Variants in PPP1R13L observed in about 807,000 individuals in gnomAD.
PPP1R13L encodes relA-associated inhibitor.
PPP1R13L carries 50 observed loss-of-function variants against 80.9 expected under a neutral mutation model. That is an observed-to-expected ratio of 0.62 (90% confidence interval 0.49 to 0.78). The LOEUF (loss-of-function observed/expected upper bound fraction) is 0.78, where lower values mean the gene tolerates loss of function less well. Among genes scored for constraint, PPP1R13L ranks in the 30% least tolerant of loss-of-function variants. The pLI is 0.00. For synonymous variants in PPP1R13L, 602 were observed against 534.3 expected (o/e 1.13, Z -1.75); for missense variants, 1,200 against 1,205.9 (o/e 1.00, Z 0.07).
intron 1 of PPP1R13L, chr19:45,401,984 C>T (rs1973242373): frequency 6.6e-6 from 1 of 152,160 alleles, no homozygotes; most frequent in Admixed American, 6.5e-5. Flanking sequence ...CACCGTCCAA[C>T]CCTGACCACA....
At chr19:45,397,468 C>T (rs4803814) in intron 3 of PPP1R13L, among the ~76,000 whole-genome samples, 5,991 of 86,182 alleles carry the variant, frequency 0.07, 276 homozygotes, top group Middle Eastern at 0.11. Flanking sequence ...TGCTTTCTCT[C>T]TCTCTCTTTC....
chr19:45,380,190 C>G lies in PPP1R13L; in HGVS notation c.2487G>C (p.Ter829TyrextTer59). ...PRVKPQRSKV[*>Y] ...GCCTCAGAAACCTCCTTCTATCCTG[C>G]TAGACTTTACTCCTTTGAGGCTTCA... Residue 829 changes from the stop codon to tyrosine, a stop_lost, in exon 13 of 13, where the codon TAG becomes TAC. Coordinates refer to ENST00000360957, the MANE Select transcript of PPP1R13L (RefSeq NM_006663.4). 1.2e-6 allele frequency: 2 copies of G among 1,614,006 alleles called. No homozygotes were observed. The highest frequency in any genetic ancestry group is 1.7e-6 in the Non-Finnish European group (2 of 1,179,962).
In PPP1R13L at chr19:45,382,715, T is replaced by A. The variant is rs1439078874; in HGVS notation, c.2260A>T (p.Ser754Cys). 6.2e-7 allele frequency: 1 copy of A among 1,613,918 alleles called. No homozygotes were observed. Among genetic ancestry groups the A allele is most frequent in the Non-Finnish European group, 8.5e-7 (1 of 1,179,984 alleles). Residue 754 changes from serine (S) to cysteine (C), a missense_variant, in exon 12 of 13, where the codon AGT becomes TGT. Ser to Cys is a moderately radical substitution (Grantham distance 112, BLOSUM62 -1). Around this residue, in one of 5 missense-constraint regions of PPP1R13L, gnomAD observed 165 missense variants for 177.1 expected, o/e 0.93. Transcript: ENST00000360957. The part of the protein sequence containing the change: ...CATYLADVEQ[S>C]MGLMNSGAVY... ...GCCCCGCTGTTCATCAGCCCCATACTCTGCTCGACGTCTGAAACATGCCAC... is the reference window on the plus strand; with the variant it reads ...GCCCCGCTGTTCATCAGCCCCATACACTGCTCGACGTCTGAAACATGCCAC...
Position 45,392,033 on chromosome 19 carries a change from A to C in PPP1R13L, c.1662T>G (p.His554Gln), listed in dbSNP as rs760029120. ...QQIISRLFHR[H>Q]GGPGPGGPEP... is the part of the protein sequence containing the mutation. Reference sequence around the variant, plus strand: ...CCGGCCCCCCGGGCCCTGGCCCCCCATGACGATGGAAGAGGCGGCTGATGA... The same window carrying C: ...CCGGCCCCCCGGGCCCTGGCCCCCCCTGACGATGGAAGAGGCGGCTGATGA... The change falls in exon 8 of 13, where the codon CAT becomes CAG. Residue 554 changes from histidine (H) to glutamine (Q), a missense_variant. Around this residue, in one of 5 missense-constraint regions of PPP1R13L, gnomAD observed 214 missense variants for 199.6 expected, o/e 1.07. Transcript: ENST00000360957. 6.5e-7 allele frequency: 1 copy of C among 1,543,628 alleles called. No individual in the cohort carries two copies. The highest frequency in any genetic ancestry group is 8.7e-7 in the Non-Finnish European group (1 of 1,148,026).
intron 8 of PPP1R13L, among the ~76,000 whole-genome samples, chr19:45,386,953 T>G (rs1318019963): frequency 6.6e-6 from 1 of 151,532 alleles, no homozygotes; most frequent in African/African-American, 2.4e-5. Context: ...CTTTCTTATT[T>G]TTAATTTTCC....
chr19:45,391,909 T>A lies in PPP1R13L; in HGVS notation c.1786A>T (p.Ser596Cys), dbSNP rs901908357. 1 of 1,496,916 alleles carries A rather than the reference T, an allele frequency of 6.7e-7. No homozygotes were observed. The highest frequency in any genetic ancestry group is 2.4e-5 in the East Asian group (1 of 42,474). 92.7% of individuals were successfully genotyped at this position (1,496,916 alleles called of 1,614,324 possible). The change falls in exon 8 of 13, where the codon AGC (serine) becomes TGC (cysteine). Residue 596 changes from serine to cysteine, a missense_variant. This residue lies in a region of PPP1R13L where 214 missense variants were observed against 199.6 expected (regional missense o/e 1.07). Coordinates refer to ENST00000360957, the MANE Select transcript of PPP1R13L (RefSeq NM_006663.4). The stretch of plus-strand genomic sequence containing the variant: ...CTCTGCGGCTGCTCTGGTGGGCTGC[T>A]CTGGGACGGGGCCGGGGGTGGAATG... The part of the protein sequence containing the change: ...APIPPPAPSQ[S>C]SPPEQPQSME...
At chr19:45,405,637 A>G (rs959584542), upstream of PPP1R13L, among the ~76,000 whole-genome samples, 7 of 152,160 alleles carry the variant, frequency 4.6e-5, no homozygotes, top group African/African-American at 1.4e-4. Context: ...TGGATAGGGG[A>G]AACATTTCCC....
At chr19:45,394,463 G>A (rs1973040281) in intron 7 of PPP1R13L, among the ~76,000 whole-genome samples, 1 of 151,458 alleles carries the variant, frequency 6.6e-6, no homozygotes, top group Non-Finnish European at 1.5e-5. Context: ...GCTATTGATA[G>A]CTTACTATGT....
rs1187255161 is a variant in PPP1R13L, at chr19:45,386,184, G to A, written c.1816-4C>T. 6.6e-7 allele frequency: 1 copy of A among 1,515,318 alleles called. No individual in the cohort carries two copies. Among genetic ancestry groups the A allele is most frequent in the Non-Finnish European group, 8.7e-7 (1 of 1,146,084 alleles). The allele number at this position is 1,515,318 out of a possible 1,614,324, so 93.9% of individuals were successfully genotyped here. ...TCCGCAGCACAGAGCGCATCTCCTG[G>A]GGGACAGGGCGCAGAGGTCAGCGAC... On this transcript the variant is annotated splice_region_variant and splice_polypyrimidine_tract_variant and intron_variant, in intron 8 of 12. Coordinates refer to ENST00000360957, the MANE Select transcript of PPP1R13L (RefSeq NM_006663.4).
rs768832090 is a variant in PPP1R13L at position 45,396,468 on chromosome 19, G to T, written c.713-32C>A. ...AGAAGTTTCCAGGGAGGATGAGACG[G>T]GAGGGGTGGCGAGCCCCGGATCCTG... On this transcript the variant is annotated intron_variant, in intron 4 of 12. Transcript: ENST00000360957. The surrounding 1 kb of genome is among the most constrained non-coding windows in gnomAD (Gnocchi z 5.3). The T allele has an allele frequency of 1.9e-6, 3 of 1,613,210 alleles. No individual in the cohort carries two copies. The highest frequency in any genetic ancestry group is 2.5e-6 in the Non-Finnish European group (3 of 1,179,814).
intron 7 of PPP1R13L, 177 bp downstream of exon 7, chr19:45,395,259 T>C: frequency 1.2e-6 from 1 of 824,302 alleles, no homozygotes; most frequent in Non-Finnish European, 2.0e-6. Context: ...ACTTAACCTT[T>C]GAGCTATCCC....
chr19:45,385,397 C>T (rs1374967998), intron 11 of PPP1R13L, among the ~76,000 whole-genome samples, 165 bp downstream of exon 11: 4 of 152,204 alleles, frequency 2.6e-5, no homozygotes, highest in Admixed American at 6.5e-5. Context: ...GGGCATAGTC[C>T]CCCCACCCCC....
At chr19:45,401,854 C>T (rs1482385489) in intron 1 of PPP1R13L, 1 of 152,064 alleles carries the variant, frequency 6.6e-6, no homozygotes, top group African/African-American at 2.4e-5. Flanking sequence ...AATCCTTGCA[C>T]TTTGGGAGGC....
intron 8 of PPP1R13L, 59 bp from the exon 9 acceptor site, chr19:45,386,239 T>C: frequency 6.9e-7 from 1 of 1,439,446 alleles, no homozygotes; most frequent in Non-Finnish European, 9.1e-7. Flanking sequence ...ATCCATGATC[T>C]AGAGTAGGAA....
chr19:45,391,882 T>C lies in PPP1R13L; in HGVS notation c.1813A>G (p.Met605Val). Residue 605 changes from methionine (M) to valine (V), a missense_variant and splice_region_variant, in exon 8 of 13, where the codon ATG becomes GTG. Around this residue, in one of 5 missense-constraint regions of PPP1R13L, gnomAD observed 214 missense variants for 199.6 expected, o/e 1.07. Coordinates refer to ENST00000360957, the MANE Select transcript of PPP1R13L (RefSeq NM_006663.4). ...QSSPPEQPQS[M>V]EMRSVLRKAG... ...CGGTTTCCTCCTGTATTACTTACCA[T>C]GCTCTGCGGCTGCTCTGGTGGGCTG... 6.8e-7 allele frequency: 1 copy of C among 1,476,738 alleles called. No individual in the cohort carries two copies. 91.5% of individuals were successfully genotyped at this position (1,476,738 alleles called of 1,614,324 possible).
intron 7 of PPP1R13L, among the ~76,000 whole-genome samples, chr19:45,393,730 G>A (rs1973025707): frequency 6.6e-6 from 1 of 152,152 alleles, no homozygotes; most frequent in East Asian, 1.9e-4. Context: ...AAAATTAGCT[G>A]GGGGTGGTGG....
At position 45,397,926 on chromosome 19, in the gene PPP1R13L, T is replaced by C. The variant is rs35802985; in HGVS notation, c.198+79A>G. The C allele has an allele frequency of 2.1e-3, 3,130 of 1,515,020 alleles. 58 individuals carry two copies. In the African/African-American group the frequency reaches 0.039, roughly 19 times the overall value. 93.8% of individuals were successfully genotyped at this position (1,515,020 alleles called of 1,614,324 possible). Reference sequence around the variant, plus strand: ...CAACCTGCATAACTATATGGGGCAATTTTGCCTGAAATCCAGGCCTCTGGT... The same window carrying C: ...CAACCTGCATAACTATATGGGGCAACTTTGCCTGAAATCCAGGCCTCTGGT... On this transcript the variant is annotated intron_variant, in intron 3 of 12. Coordinates refer to ENST00000360957, the MANE Select transcript of PPP1R13L (RefSeq NM_006663.4).
chr19:45,389,530 C>A (rs749882236), intron 8 of PPP1R13L, among the ~76,000 whole-genome samples: 1 of 152,110 alleles, frequency 6.6e-6, no homozygotes, highest in Non-Finnish European at 1.5e-5. Flanking sequence ...TTAATCTTGG[C>A]GGGGTGTGGT....
intron 8 of PPP1R13L, among the ~76,000 whole-genome samples, chr19:45,387,136 C>T (rs868483614): frequency 3.3e-5 from 5 of 151,746 alleles, no homozygotes; most frequent in African/African-American, 1.2e-4. Flanking sequence ...GACATGGTGG[C>T]GCACACCCGT....
Sources: gnomAD v4.1 joint callset for allele counts (sites outside exome capture counted in the v4.1 genomes callset) on GRCh38, gnomAD v4.1.1 for gene constraint, gnomAD v4.1.1 regional missense constraint, Gnocchi (gnomAD v3.1) non-coding constraint, MANE v1.5 for transcripts, NCBI Gene and HGNC (gene_info 2026-07-23, HGNC 2026-07-21) for gene names.